The following PDLIM3 variants were observed in gnomAD, a reference collection of about 807,000 sequenced individuals.
The protein encoded by PDLIM3 is PDZ and LIM domain 3, also known as PDZ and LIM domain protein 3.
In PDLIM3, 36 loss-of-function variants were observed where a neutral mutation model predicts 37.3. That is an observed-to-expected ratio of 0.97 (90% CI 0.74 to 1.28). The LOEUF (loss-of-function observed/expected upper bound fraction) is 1.28. Ranked by LOEUF, PDLIM3 falls within the 50% of genes most tolerant of loss-of-function variation. The probability of loss-of-function intolerance (pLI) is 0.00; values close to 1 mark genes in which losing one functional copy is unlikely to be tolerated. For missense variants in PDLIM3, 454 were observed against 485.0 expected, an observed-to-expected ratio of 0.94 and a Z score of 0.60; for synonymous variants, 174 against 182.4, an observed-to-expected ratio of 0.95 and a Z score of 0.37.
At chr4:185,503,232 A>C (rs911036680) in intron 7 of PDLIM3, among the ~76,000 whole-genome samples, 6 of 63,164 alleles carry the variant, frequency 9.5e-5, no homozygotes, top group Non-Finnish European at 3.3e-4. Context: ...AAAAACAACA[A>C]CAACAATAAC....
chr4:185,515,138 A>C (rs1025396638), intron 3 of PDLIM3: 6 of 294,164 alleles, frequency 2.0e-5, no homozygotes, highest in Non-Finnish European at 3.7e-5. Flanking sequence ...AAAATAATTT[A>C]AACATTGCAC....
At position 185,502,456 on chromosome 4, in the gene PDLIM3, C is replaced by G. The variant is rs747696179; in HGVS notation, c.933G>C (p.Lys311Asn). The G allele has an allele frequency of 6.2e-7, 1 of 1,614,200 alleles. No homozygotes were observed. The highest frequency in any genetic ancestry group is 1.7e-5 in the Admixed American group (1 of 60,016). Residue 311 changes from lysine to asparagine, a missense_variant, in exon 8 of 8, where the codon AAG becomes AAC. Physicochemically the swap from Lys to Asn is moderately conservative, Grantham distance 94. Transcript: ENST00000284767. ...ACACGAAGCACTCAGGGTGCCGGTA[C>G]TTATCCCGCGCCTTCACCACAGCAC... ...IVGAVVKARD[K>N]YRHPECFVCA...
At chr4:185,513,840 G>A (rs1362127308) in intron 4 of PDLIM3, 5 of 1,095,750 alleles carry the variant, frequency 4.6e-6, no homozygotes, top group Middle Eastern at 4.3e-4. Flanking sequence ...ACTGAGAGAC[G>A]AGAAGGAAGA....
chr4:185,523,317 T>C (rs768119445), intron 3 of PDLIM3, 45 bp downstream of exon 3: 14 of 1,361,632 alleles, frequency 1.0e-5, no homozygotes, highest in Non-Finnish European at 1.5e-5. Flanking sequence ...ATCCCCATGA[T>C]TTAAAAGGAA....
chr4:185,517,779 T>C (rs1379302993), intron 3 of PDLIM3: 2 of 150,386 alleles, frequency 1.3e-5, no homozygotes, highest in East Asian at 3.8e-4. Flanking sequence ...TTGCAAAGCA[T>C]TAGTTTATGG....
chr4:185,502,293 C>G lies in PDLIM3; in HGVS notation c.*1G>C. On this transcript the variant is annotated 3_prime_UTR_variant, in exon 8 of 8. Transcript: ENST00000284767. The stretch of plus-strand genomic sequence containing the variant: ...TGCGTGCGTGCCACGCCTGCAGAGA[C>G]TTAAGCTTTGGGATACAGAGTGACC... 9 of 1,614,210 alleles carry G rather than the reference C, an allele frequency of 5.6e-6. No homozygotes were observed. The highest frequency in any genetic ancestry group is 7.6e-6 in the Non-Finnish European group (9 of 1,180,030).
rs1369502522 is a variant in PDLIM3, at chr4:185,506,634, C to A, written c.681G>T (p.Val227=). ...TPLMSEPTAS[V]PPESDVYRML... ...TCCGGTACACGTCCGACTCGGGGGG[C>A]ACCGAGGCTGTGGGCTCGCTGAAAC... The change falls in exon 6 of 8, where the codon GTG becomes GTT. Residue 227 remains valine, a synonymous_variant. Coordinates refer to ENST00000284767, the MANE Select transcript of PDLIM3 (RefSeq NM_014476.6). 2 of 1,606,426 alleles carry A rather than the reference C, an allele frequency of 1.2e-6. No individual in the cohort carries two copies. The highest frequency in any genetic ancestry group is 8.5e-7 in the Non-Finnish European group (1 of 1,179,926).
chr4:185,520,313 A>G (rs534795926), intron 3 of PDLIM3, among the ~76,000 whole-genome samples: 10 of 152,340 alleles, frequency 6.6e-5, no homozygotes, highest in African/African-American at 9.6e-5. Context: ...CTTATCTTGG[A>G]GCATTTCAAA....
rs1223777355 is a variant in PDLIM3 at position 185,535,483 on chromosome 4, G to A, written c.-49C>T. 22 of 1,478,158 alleles carry A rather than the reference G, an allele frequency of 1.5e-5. No individual in the cohort carries two copies. Among genetic ancestry groups the A allele is most frequent in the Non-Finnish European group, 2.0e-5 (22 of 1,091,920 alleles). The allele number at this position is 1,478,158 out of a possible 1,614,324, so 91.6% of individuals were successfully genotyped here. A position where few individuals can be genotyped will look rare whatever the true frequency, so the allele number is the denominator to read the frequency against. ...GCTCTAAGTGTCCCCGCGCAGGGCA[G>A]CCACTCCGCGCCGGGCGGCGTCCTG... is the stretch of plus-strand genomic sequence containing the variant. On this transcript the variant is annotated 5_prime_UTR_variant, in exon 1 of 8. Transcript: ENST00000284767.
intron 4 of PDLIM3, chr4:185,513,147 C>T (rs2095709258): frequency 2.0e-6 from 2 of 983,636 alleles, no homozygotes; most frequent in Non-Finnish European, 2.4e-6. Context: ...CAGACCAGGC[C>T]CCTGCAGACA....
Position 185,506,525 on chromosome 4 carries a change from A to G in PDLIM3, c.790T>C (p.Ser264Pro). The change falls in exon 6 of 8, where the codon TCT becomes CCT. Residue 264 changes from serine to proline, a missense_variant. Physicochemically the swap from Ser to Pro is moderately conservative, Grantham distance 74. Transcript: ENST00000284767. ...GCAGGTGTCAGCGGCTGCTCACCAG[A>G]GCCATCGTCCACCATTCCCTGGAGC... ...RVLQGMVDDG[S>P]DDRPAGTRSV... The G allele has an allele frequency of 6.2e-7, 1 of 1,613,642 alleles. No individual in the cohort carries two copies. The highest frequency in any genetic ancestry group is 8.5e-7 in the Non-Finnish European group (1 of 1,180,004).
chr4:185,533,742 TATA>T (rs1466215866), intron 1 of PDLIM3, among the ~76,000 whole-genome samples: 1 of 152,178 alleles, frequency 6.6e-6, no homozygotes, highest in African/African-American at 2.4e-5. Flanking sequence ...AATAAACATT[TATA>T]ATGTCAACAA....
rs528741387 is a variant in PDLIM3 at position 185,514,850 on chromosome 4, T to C, written c.331-513A>G. On this transcript the variant is annotated intron_variant, in intron 3 of 7. Coordinates refer to ENST00000284767, the MANE Select transcript of PDLIM3 (RefSeq NM_014476.6). The surrounding 1 kb of genome is among the most constrained non-coding windows in gnomAD (Gnocchi z 4.0). Reference sequence around the variant, plus strand: ...AATGTTTGCAGCTGCAACAAAAGGCTGGGCCCTTCTGTTGTGCGCGGTACC... The same window carrying C: ...AATGTTTGCAGCTGCAACAAAAGGCCGGGCCCTTCTGTTGTGCGCGGTACC... The C allele has an allele frequency of 7.3e-5, 113 of 1,551,724 alleles. 1 individual carries two copies. The African/African-American group carries it at 1.4e-3, about 19-fold the overall frequency.
At chr4:185,513,392 C>T (rs1253473936) in intron 4 of PDLIM3, 5 of 978,344 alleles carry the variant, frequency 5.1e-6, no homozygotes, top group African/African-American at 1.8e-5. Context: ...GTCATAAGCT[C>T]GGGTGTCTAG....
At chr4:185,513,412 G>C in intron 4 of PDLIM3, 1 of 950,828 alleles carries the variant, frequency 1.1e-6, no homozygotes, top group Non-Finnish European at 1.3e-6. Flanking sequence ...GAGGGGCCAG[G>C]AGGTCACACA....
chr4:185,533,435 TCTTA>T (rs2095748191), intron 1 of PDLIM3, among the ~76,000 whole-genome samples: 1 of 152,224 alleles, frequency 6.6e-6, no homozygotes, highest in Non-Finnish European at 1.5e-5. Flanking sequence ...AAATAAATGT[TCTTA>T]TTTATTCAAT....
chr4:185,506,426 T>TA (rs2095697306), intron 6 of PDLIM3, 96 bp downstream of exon 6: 1 of 1,528,508 alleles, frequency 6.5e-7, no homozygotes, highest in African/African-American at 1.4e-5. Flanking sequence ...AACCAAGTTT[T>TA]AGACTTTCAT....
At chr4:185,503,400 C>T (rs895367742) in intron 7 of PDLIM3, among the ~76,000 whole-genome samples, 1 of 152,206 alleles carries the variant, frequency 6.6e-6, no homozygotes, top group African/African-American at 2.4e-5. Flanking sequence ...CTGAGGGCCT[C>T]TCTGCTCCGA....
chr4:185,520,172 A>G (rs945043479), intron 3 of PDLIM3, among the ~76,000 whole-genome samples: 4 of 152,230 alleles, frequency 2.6e-5, no homozygotes, highest in Non-Finnish European at 5.9e-5. Context: ...ATACACTGCA[A>G]TTTAGTTATT....
Sources: gnomAD v4.1 joint callset for allele counts (sites outside exome capture counted in the v4.1 genomes callset) on GRCh38, gnomAD v4.1.1 for gene constraint, Gnocchi (gnomAD v3.1) non-coding constraint, MANE v1.5 for transcripts, NCBI Gene and HGNC (gene_info 2026-07-23, HGNC 2026-07-21) for gene names.